Variants in XRCC6 observed in about 807,000 individuals in gnomAD.
XRCC6 encodes DNA repair protein Ku70.
In XRCC6, 5 loss-of-function variants were observed where a neutral mutation model predicts 65.7. The ratio of observed to expected loss-of-function variants is 0.08; its 90% CI spans 0.04 to 0.16. The LOEUF is 0.16. XRCC6 is among the 10% of genes least tolerant of loss of function. The pLI is 1.00. For synonymous variants in XRCC6, 270 were observed against 270.6 expected (o/e 1.00, Z 0.02); for missense variants, 447 against 738.1 (o/e 0.61, Z 4.57).
intron 3 of XRCC6, among the ~76,000 whole-genome samples, chr22:41,632,225 G>A (rs2067763340): frequency 6.6e-6 from 1 of 152,202 alleles, no homozygotes; most frequent in Non-Finnish European, 1.5e-5. Context: ...TCGTAGAGAA[G>A]AATTTTCACA....
intron 3 of XRCC6, among the ~76,000 whole-genome samples, chr22:41,633,569 G>A (rs2067779399): frequency 6.6e-6 from 1 of 152,066 alleles, no homozygotes; most frequent in Non-Finnish European, 1.5e-5. Flanking sequence ...TTTTAGTAGA[G>A]ATGGGGTTTC....
In XRCC6 at chr22:41,660,334, C is replaced by A. The variant is rs570631652; in HGVS notation, c.1523-997C>A. On this transcript the variant is annotated intron_variant, in intron 11 of 12. Transcript: ENST00000360079. ...CTCCCCCTGTTTCAGCCAGTCATCTCCCCATCCCACTCCTATTCTTCTTAC... is the reference window on the plus strand; with the variant it reads ...CTCCCCCTGTTTCAGCCAGTCATCTACCCATCCCACTCCTATTCTTCTTAC... 6.6e-5 allele frequency among the ~76,000 whole-genome samples: 10 copies of A among 152,326 alleles called. No homozygotes were observed. In the South Asian group the frequency reaches 2.1e-3, roughly 32 times the overall value.
At chr22:41,639,680 T>TTTTTTTTTTTTTTA (rs2067853426) in intron 6 of XRCC6, among the ~76,000 whole-genome samples, 4 of 143,008 alleles carry the variant, frequency 2.8e-5, no homozygotes, top group East Asian at 2.1e-4. Context: ...TTTTTTTTTT[T>TTTTTTTTTTTTTTA]GAGATGGAGT....
chr22:41,625,866 A>G (rs2067664230), intron 2 of XRCC6, among the ~76,000 whole-genome samples: 1 of 152,154 alleles, frequency 6.6e-6, no homozygotes, highest in Non-Finnish European at 1.5e-5. Context: ...TTTATTTGAG[A>G]TGGAATCTCT....
At chr22:41,661,735 C>T (rs1294945575) in intron 12 of XRCC6, 1 of 321,088 alleles carries the variant, frequency 3.1e-6, no homozygotes, top group Non-Finnish European at 5.8e-6. Context: ...CCATATGATC[C>T]AGTCAGTATA....
At position 41,646,939 on chromosome 22, in the gene XRCC6, A is replaced by G. The variant is rs62621117; in HGVS notation, c.817A>G (p.Ile273Val). 14 of 1,613,952 alleles carry G rather than the reference A, an allele frequency of 8.7e-6. No homozygotes were observed. The East Asian group carries it at 2.9e-4, about 33-fold the overall frequency. ...LNKDIVISVG[I>V]YNLVQKALKP... is the part of the protein sequence containing the mutation. ...CAAAGATATAGTGATCTCTGTGGGCATTTATAATCTGGTCCAGAAGGCTCT... is the reference window on the plus strand; with the variant it reads ...CAAAGATATAGTGATCTCTGTGGGCGTTTATAATCTGGTCCAGAAGGCTCT... Residue 273 changes from isoleucine to valine, a missense_variant, in exon 7 of 13, where the codon ATT becomes GTT. Physicochemically the swap from Ile to Val is conservative, Grantham distance 29. Around this residue, in one of 4 missense-constraint regions of XRCC6, gnomAD observed 14 missense variants for 23.8 expected, o/e 0.59. Coordinates refer to ENST00000360079, the MANE Select transcript of XRCC6 (RefSeq NM_001469.5).
rs556993005 is a variant in XRCC6, at chr22:41,658,364, G to A, written c.1522+12G>A. 29 of 1,612,954 alleles carry A rather than the reference G, an allele frequency of 1.8e-5. No individual in the cohort carries two copies. Among genetic ancestry groups the A allele is most frequent in the South Asian group, 1.5e-4 (14 of 91,056 alleles). On this transcript the variant is annotated intron_variant, in intron 11 of 12. Coordinates refer to ENST00000360079, the MANE Select transcript of XRCC6 (RefSeq NM_001469.5). Reference sequence around the variant, plus strand: ...AGTGGACCTGACATGTAAGGAGGTTGAATAGAGTAGTTCTTTTCATGGGAG... The same window carrying A: ...AGTGGACCTGACATGTAAGGAGGTTAAATAGAGTAGTTCTTTTCATGGGAG...
chr22:41,635,328 G>T (rs2067797653), intron 3 of XRCC6, among the ~76,000 whole-genome samples: 1 of 152,138 alleles, frequency 6.6e-6, no homozygotes, highest in South Asian at 2.1e-4. Flanking sequence ...ATTTGAGGTT[G>T]GTTGAATACA....
chr22:41,625,657 T>C (rs1320964855), intron 2 of XRCC6, among the ~76,000 whole-genome samples: 1 of 151,952 alleles, frequency 6.6e-6, no homozygotes, highest in Non-Finnish European at 1.5e-5. Context: ...ACTCTGTTAA[T>C]CTACACCAAA....
intron 7 of XRCC6, among the ~76,000 whole-genome samples, chr22:41,650,296 G>C (rs1393083406): frequency 6.6e-6 from 1 of 151,904 alleles, no homozygotes; most frequent in African/African-American, 2.4e-5. Flanking sequence ...ATACAGATAG[G>C]GTCTTGCCAT....
Position 41,622,084 on chromosome 22 carries a change from G to C in XRCC6, c.80G>C (p.Ser27Thr), listed in dbSNP as rs369186241. 6.2e-7 allele frequency: 1 copy of C among 1,614,226 alleles called. No homozygotes were observed. The stretch of plus-strand genomic sequence containing the variant: ...GAACAAGAAGAGAACCTTGAAGCAA[G>C]TGGTAAGTGACTTCAGCATGTAGTG... ...EEEQEENLEA[S>T]GDYKYSGRDS... The change falls in exon 2 of 13, where the codon AGT becomes ACT. Residue 27 changes from serine (S) to threonine (T), a missense_variant and splice_region_variant. Physicochemically the swap from Ser to Thr is moderately conservative, Grantham distance 58. Transcript: ENST00000360079.
chr22:41,652,330 A>G (rs2068007671), intron 8 of XRCC6, among the ~76,000 whole-genome samples: 1 of 150,480 alleles, frequency 6.6e-6, no homozygotes, highest in African/African-American at 2.4e-5. Context: ...TCATTAACCT[A>G]GTGTCAGTAA....
intron 3 of XRCC6, among the ~76,000 whole-genome samples, chr22:41,633,671 G>C (rs1157580807): frequency 6.6e-6 from 1 of 152,042 alleles, no homozygotes; most frequent in Non-Finnish European, 1.5e-5. Context: ...ATGAGCCACC[G>C]CACCTGGCCA....
At chr22:41,628,979 A>AC (rs1221924180) in intron 3 of XRCC6, among the ~76,000 whole-genome samples, 6 of 151,472 alleles carry the variant, frequency 4.0e-5, no homozygotes, top group African/African-American at 9.7e-5. Context: ...AAAAAAAAAA[A>AC]AAAAAAAAAA....
chr22:41,647,450 G>T (rs1414678927), intron 7 of XRCC6, among the ~76,000 whole-genome samples: 1 of 151,924 alleles, frequency 6.6e-6, no homozygotes, highest in East Asian at 1.9e-4. Context: ...GCATGGTGGT[G>T]CATGCCTGTA....
intron 6 of XRCC6, among the ~76,000 whole-genome samples, chr22:41,643,453 T>C (rs550263777): frequency 6.6e-6 from 1 of 152,020 alleles, no homozygotes; most frequent in African/African-American, 2.4e-5. Flanking sequence ...TAAATTTGTC[T>C]CTGAGCATGG....
chr22:41,623,198 A>G (rs974003764), intron 2 of XRCC6, among the ~76,000 whole-genome samples: 3 of 151,194 alleles, frequency 2.0e-5, no homozygotes, highest in Admixed American at 6.6e-5. Flanking sequence ...CTCCTGCTTC[A>G]GCTACCTCAG....
Position 41,636,129 on chromosome 22 carries a change from A to G in XRCC6, c.212A>G (p.Tyr71Cys), listed in dbSNP as rs2067807073. 12 of 1,589,462 alleles carry G rather than the reference A, an allele frequency of 7.5e-6. No homozygotes were observed. The highest frequency in any genetic ancestry group is 9.4e-6 in the Non-Finnish European group (11 of 1,174,514). The part of the protein sequence containing the change: ...DMSIQCIQSV[Y>C]ISKIISSDRD... ...TTTTTTCAGTGTATCCAAAGTGTGT[A>G]CATCAGTAAGATCATAAGCAGTGAT... Residue 71 changes from tyrosine to cysteine, a missense_variant, in exon 4 of 13, where the codon TAC becomes TGC. Physicochemically the swap from Tyr to Cys is radical, Grantham distance 194. Transcript: ENST00000360079.
At chr22:41,658,142 G>T in intron 10 of XRCC6, 110 bp from the exon 11 acceptor site, 2 of 1,036,100 alleles carry the variant, frequency 1.9e-6, no homozygotes, top group East Asian at 2.6e-5. Context: ...TTTACTTGGG[G>T]TGTTTTTCTC....
Sources: gnomAD v4.1 joint callset for allele counts (sites outside exome capture counted in the v4.1 genomes callset) on GRCh38, gnomAD v4.1.1 for gene constraint, gnomAD v4.1.1 regional missense constraint, MANE v1.5 for transcripts, NCBI Gene and HGNC (gene_info 2026-07-23, HGNC 2026-07-21) for gene names.